Variants in RRAS2 observed in about 807,000 individuals in gnomAD.
RRAS2 encodes the protein RAS related 2.
A neutral mutation model predicts 27.6 loss-of-function variants in RRAS2; 7 were observed. That is an observed-to-expected ratio of 0.25 (90% CI 0.14 to 0.48). The LOEUF (loss-of-function observed/expected upper bound fraction) is 0.48, where lower values mean the gene tolerates loss of function less well. Among genes scored for constraint, RRAS2 ranks in the 20% least tolerant of loss-of-function variants. The pLI is 0.99. For missense variants in RRAS2, 178 were observed against 256.2 expected (o/e 0.69, Z 2.08); for synonymous variants, 86 against 90.9 (o/e 0.95, Z 0.31).
chr11:14,339,603 A>C (rs1554953020), intron 1 of RRAS2, among the ~76,000 whole-genome samples: 2 of 152,206 alleles, frequency 1.3e-5, no homozygotes. Context: ...AGATATTTTC[A>C]TGTAATAGCT....
chr11:14,329,655 G>A (rs1163513916), intron 1 of RRAS2, among the ~76,000 whole-genome samples: 3 of 152,094 alleles, frequency 2.0e-5, no homozygotes, highest in Non-Finnish European at 4.4e-5. Context: ...TCTAAAACTT[G>A]CCAATTTCTG....
intron 1 of RRAS2, among the ~76,000 whole-genome samples, chr11:14,335,366 A>C (rs1446636653): frequency 6.6e-6 from 1 of 152,224 alleles, no homozygotes; most frequent in Non-Finnish European, 1.5e-5. Flanking sequence ...TTCTGATTAT[A>C]AAAAGGGATA....
At chr11:14,296,507 A>G (rs1847554887) in intron 1 of RRAS2, among the ~76,000 whole-genome samples, 1 of 152,054 alleles carries the variant, frequency 6.6e-6, no homozygotes, top group African/African-American at 2.4e-5. Flanking sequence ...AAAACACAGT[A>G]AGTTATAATT....
chr11:14,320,328 T>G (rs1289261383), intron 1 of RRAS2, among the ~76,000 whole-genome samples: 1 of 152,200 alleles, frequency 6.6e-6, no homozygotes, highest in Non-Finnish European at 1.5e-5. Flanking sequence ...TTTAAAGCTG[T>G]TTTTTCAAAT....
intron 1 of RRAS2, among the ~76,000 whole-genome samples, chr11:14,352,496 C>T (rs1281200089): frequency 6.6e-6 from 1 of 152,128 alleles, no homozygotes. Context: ...CTCAAACAGA[C>T]TCAGCAGCTC....
Position 14,314,120 on chromosome 11 carries a change from T to C in RRAS2, c.109-18265A>G, listed in dbSNP as rs1329019452. 2.0e-5 allele frequency among the ~76,000 whole-genome samples: 3 copies of C among 152,232 alleles called. No individual in the cohort carries two copies. The East Asian group carries it at 5.8e-4, about 29-fold the overall frequency. On this transcript the variant is annotated intron_variant, in intron 1 of 5. Coordinates refer to ENST00000256196, the MANE Select transcript of RRAS2 (RefSeq NM_012250.6). ...TTTAAAATGTGAAACTAGACATGTA[T>C]TTTCTAGCCTGTGAGCTAAATAACC...
intron 4 of RRAS2, among the ~76,000 whole-genome samples, chr11:14,288,785 A>G (rs187771548): frequency 2.6e-5 from 4 of 152,358 alleles, no homozygotes; most frequent in Admixed American, 1.3e-4. Flanking sequence ...CTAGTACTAC[A>G]TATTTCCAAA....
chr11:14,302,083 C>T (rs1481796358), intron 1 of RRAS2, among the ~76,000 whole-genome samples: 2 of 148,000 alleles, frequency 1.4e-5, no homozygotes, highest in Non-Finnish European at 3.0e-5. Flanking sequence ...TACACACACA[C>T]ACACACACAC....
At position 14,281,679 on chromosome 11, in the gene RRAS2, CT is replaced by C; in HGVS notation, c.449del (p.Lys150ArgfsTer2). On this transcript the variant is annotated frameshift_variant, in exon 5 of 6. Coordinates refer to ENST00000256196, the MANE Select transcript of RRAS2 (RefSeq NM_012250.6). LOFTEE classifies it high-confidence loss of function. The stretch of plus-strand genomic sequence containing the variant: ...TTGCTGATGCCTCCATGTATGTTAC[CT>C]TAAGCTGCCGTGCTAACTGTTGTCC... ...EEGQQLARQL[K>X]VTYMEASAKI... 6.3e-7 allele frequency: 1 copy of C among 1,595,372 alleles called. No individual in the cohort carries two copies. The highest frequency in any genetic ancestry group is 8.5e-7 in the Non-Finnish European group (1 of 1,174,214).
chr11:14,322,981 C>T (rs1433017955), intron 1 of RRAS2, among the ~76,000 whole-genome samples: 2 of 152,074 alleles, frequency 1.3e-5, no homozygotes, highest in African/African-American at 4.8e-5. Context: ...GACTAAAAAG[C>T]GTATCTCTTC....
At chr11:14,363,692 AC>A (rs1339619087), upstream of RRAS2, among the ~76,000 whole-genome samples, 1 of 152,080 alleles carries the variant, frequency 6.6e-6, no homozygotes, top group Non-Finnish European at 1.5e-5. Context: ...AATCACTCGA[AC>A]CGGGGAGGCG....
chr11:14,332,509 GTAA>G (rs1230064589), intron 1 of RRAS2, among the ~76,000 whole-genome samples: 3 of 151,848 alleles, frequency 2.0e-5, no homozygotes, highest in Admixed American at 1.3e-4. Flanking sequence ...CTCAAAAATA[GTAA>G]TAATAATAAT....
At chr11:14,337,149 C>T (rs1265778426) in intron 1 of RRAS2, 1 of 152,140 alleles carries the variant, frequency 6.6e-6, no homozygotes, top group Non-Finnish European at 1.5e-5. Flanking sequence ...CCACAGTCAA[C>T]CACAGTTCAA....
chr11:14,330,268 G>C (rs575507233), intron 1 of RRAS2, among the ~76,000 whole-genome samples: 93 of 152,274 alleles, frequency 6.1e-4, no homozygotes, highest in Admixed American at 2.5e-3. Flanking sequence ...TGGTAGTCCT[G>C]ATAATTTAAG....
chr11:14,358,364 G>C lies in RRAS2; in HGVS notation c.108+399C>G. The C allele has an allele frequency of 1.0e-6, 1 of 985,534 alleles. No individual in the cohort carries two copies. The highest frequency in any genetic ancestry group is 1.2e-6 in the Non-Finnish European group (1 of 830,010). The allele number at this position is 985,534 out of a possible 1,614,324, so 61.0% of individuals were successfully genotyped here. A position where few individuals can be genotyped will look rare whatever the true frequency, so the allele number is the denominator to read the frequency against. Reference sequence around the variant, plus strand: ...CCCCGACGGTGAAGGCGCGGCCGCAGGCGGCTGGAAAAGCAGCGCGCGGGG... The same window carrying C: ...CCCCGACGGTGAAGGCGCGGCCGCACGCGGCTGGAAAAGCAGCGCGCGGGG... On this transcript the variant is annotated intron_variant, in intron 1 of 5. Transcript: ENST00000256196. This position sits in a 1 kb window ranked among gnomAD's most constrained non-coding sequence, Gnocchi z 5.1.
In RRAS2 at chr11:14,315,774, A is replaced by G. The variant is rs567587831; in HGVS notation, c.109-19919T>C. 5.3e-5 allele frequency among the ~76,000 whole-genome samples: 8 copies of G among 152,332 alleles called. No homozygotes were observed. The East Asian group carries it at 5.8e-4, about 11-fold the overall frequency. On this transcript the variant is annotated intron_variant, in intron 1 of 5. Coordinates refer to ENST00000256196, the MANE Select transcript of RRAS2 (RefSeq NM_012250.6). ...TGGCAGTCATTTCTAAAAAATGCCA[A>G]CTGAGGTTCTGGATAAGACTTTTCT...
chr11:14,356,066 G>A (rs369530644), intron 1 of RRAS2, among the ~76,000 whole-genome samples: 2 of 152,134 alleles, frequency 1.3e-5, no homozygotes, highest in East Asian at 1.9e-4. Context: ...ACAGCTATAT[G>A]TGGTCCACCA....
At chr11:14,316,443 A>G (rs950992107) in intron 1 of RRAS2, among the ~76,000 whole-genome samples, 7 of 152,198 alleles carry the variant, frequency 4.6e-5, no homozygotes, top group Admixed American at 4.6e-4. Context: ...TCCCCCTGCA[A>G]AAGTATCCTG....
intron 1 of RRAS2, among the ~76,000 whole-genome samples, chr11:14,353,738 GA>G (rs1389403894): frequency 6.6e-6 from 1 of 152,056 alleles, no homozygotes; most frequent in African/African-American, 2.4e-5. Flanking sequence ...CGTAAGTTAA[GA>G]AACTGCAGGT....
Sources: allele counts gnomAD v4.1 joint callset (sites outside exome capture counted in the v4.1 genomes callset), GRCh38; gene constraint gnomAD v4.1.1; non-coding constraint Gnocchi (gnomAD v3.1); transcripts MANE v1.5; gene names NCBI Gene and HGNC (gene_info 2026-07-23, HGNC 2026-07-21).